The following KIF4A variants were observed in gnomAD, a reference collection of about 807,000 sequenced individuals.
KIF4A encodes chromosome-associated kinesin KIF4A.
A neutral mutation model predicts 105.9 loss-of-function variants in KIF4A; 7 were observed. That is an observed-to-expected ratio of 0.07 (90% confidence interval 0.04 to 0.12). KIF4A has a LOEUF of 0.12. Ranked by LOEUF, KIF4A falls within the 10% of genes least tolerant of loss-of-function variation. The probability of loss-of-function intolerance (pLI) is 1.00; values close to 1 mark genes in which losing one functional copy is unlikely to be tolerated. For synonymous variants in KIF4A, 281 were observed against 331.3 expected (o/e 0.85, Z 1.65); for missense variants, 558 against 929.2 (o/e 0.60, Z 5.19).
intron 18 of KIF4A, among the ~76,000 whole-genome samples, chrX:70,380,557 C>T (rs1157426424): frequency 5.4e-5 from 6 of 111,554 alleles, no homozygotes; most frequent in Non-Finnish European, 3.8e-5. Flanking sequence ...TATGAAAAAC[C>T]CACAGCTAAC....
chrX:70,360,465 A>G (rs2086070513), intron 15 of KIF4A, among the ~76,000 whole-genome samples: 1 of 112,527 alleles, frequency 8.9e-6, no homozygotes, highest in Non-Finnish European at 1.9e-5. Flanking sequence ...CTGACTACAC[A>G]TGGAGCGAGG....
chrX:70,411,304 T>TA (rs375572048), intron 28 of KIF4A, among the ~76,000 whole-genome samples: 1,683 of 99,202 alleles, frequency 0.017, 47 homozygotes, highest in African/African-American at 0.058. Flanking sequence ...ATTTAAAAAT[T>TA]AAAAAAAAAA....
intron 3 of KIF4A, among the ~76,000 whole-genome samples, chrX:70,292,051 A>G (rs887655862): frequency 8.9e-6 from 1 of 112,159 alleles, no homozygotes; most frequent in African/African-American, 3.2e-5. Context: ...TTTCAAACGT[A>G]TAGAATGTTG....
chrX:70,316,998 C>T (rs2085872128), intron 7 of KIF4A, among the ~76,000 whole-genome samples: 1 of 112,012 alleles, frequency 8.9e-6, no homozygotes, highest in African/African-American at 3.2e-5. Flanking sequence ...ATAACCCTAA[C>T]TCAACATTAT....
intron 15 of KIF4A, among the ~76,000 whole-genome samples, chrX:70,370,579 CAAAT>C (rs1422946873): frequency 9.3e-6 from 1 of 108,070 alleles, no homozygotes; most frequent in Non-Finnish European, 1.9e-5. Context: ...TAGAATATAT[CAAAT>C]AAAGAATATA....
intron 18 of KIF4A, among the ~76,000 whole-genome samples, chrX:70,385,376 A>T (rs1363472348): frequency 8.9e-6 from 1 of 112,292 alleles, no homozygotes; most frequent in African/African-American, 3.2e-5. Context: ...GTCTGGTACT[A>T]AGAAGACTGT....
intron 10 of KIF4A, among the ~76,000 whole-genome samples, chrX:70,336,843 C>T (rs2085952620): frequency 1.8e-5 from 2 of 111,292 alleles, no homozygotes; most frequent in Non-Finnish European, 3.8e-5. Context: ...CCACCATCCA[C>T]CTCCAAAATT....
At chrX:70,371,892 C>T (rs1181267498) in intron 15 of KIF4A, among the ~76,000 whole-genome samples, 1 of 101,294 alleles carries the variant, frequency 9.9e-6, no homozygotes, top group Non-Finnish European at 2.0e-5. Context: ...TCAGACGGGG[C>T]GGTTGCCAGG....
chrX:70,387,121 C>T, intron 19 of KIF4A, 63 bp from the exon 20 acceptor site: 1 of 788,421 alleles, frequency 1.3e-6, no homozygotes, highest in Non-Finnish European at 1.9e-6. Context: ...TACTAATGTG[C>T]TAGAAATTGG....
At chrX:70,334,107 C>G (rs2085941439) in intron 10 of KIF4A, among the ~76,000 whole-genome samples, 1 of 111,467 alleles carries the variant, frequency 9.0e-6, no homozygotes, top group African/African-American at 3.3e-5. Flanking sequence ...CAAGAGGTTC[C>G]AAACTCATCT....
chrX:70,300,536 G>C (rs1309631263), intron 5 of KIF4A, among the ~76,000 whole-genome samples: 1 of 111,633 alleles, frequency 9.0e-6, no homozygotes, highest in African/African-American at 3.3e-5. Context: ...TAGCAGGAAA[G>C]CAGAAAATAT....
At chrX:70,401,772 TA>T (rs1273010415) in intron 22 of KIF4A, among the ~76,000 whole-genome samples, 1 of 111,950 alleles carries the variant, frequency 8.9e-6, no homozygotes, top group Non-Finnish European at 1.9e-5. Context: ...CAGAATGTCC[TA>T]GATGTCTTCA....
In KIF4A at chrX:70,416,017, G is replaced by A. The variant is rs145077231; in HGVS notation, c.3256-1871G>A. Among the ~76,000 whole-genome samples the A allele has an allele frequency of 5.0e-3, 541 of 108,671 alleles. 5 individuals are homozygous for A. Among genetic ancestry groups the A allele is most frequent in the African/African-American group, 0.017 (518 of 29,790 alleles). The allele number at this position is 108,671 out of a possible 115,157, so 94.4% of individuals were successfully genotyped here. ...TGAGTAGCTGGGATTACAGGCATGC[G>A]CTATGATGCCTGGCTAATTTTGTAT... On this transcript the variant is annotated intron_variant, in intron 28 of 30. Transcript: ENST00000374403.
chrX:70,364,063 C>G (rs1484874396), intron 15 of KIF4A, among the ~76,000 whole-genome samples: 1 of 112,140 alleles, frequency 8.9e-6, no homozygotes, highest in Admixed American at 9.5e-5. Context: ...TGTTCATATC[C>G]TTTGACCACT....
At chrX:70,302,440 C>T in intron 7 of KIF4A, 42 bp downstream of exon 7, 1 of 1,136,114 alleles carries the variant, frequency 8.8e-7, no homozygotes, top group African/African-American at 1.8e-5. Flanking sequence ...TTAAAAACTT[C>T]TAGTACTCTT....
intron 28 of KIF4A, among the ~76,000 whole-genome samples, chrX:70,415,873 T>TC (rs1467886393): frequency 1.0e-5 from 1 of 96,670 alleles, no homozygotes; most frequent in African/African-American, 3.7e-5. Flanking sequence ...TTTTTTTTTT[T>TC]TTTTTTTTTT....
Position 70,372,608 on chromosome X carries a change from G to A in KIF4A, c.1675-1543G>A, listed in dbSNP as rs766273875. Among the ~76,000 whole-genome samples the A allele has an allele frequency of 7.9e-3, 895 of 113,741 alleles. 5 individuals carry two copies. The highest frequency in any genetic ancestry group is 0.027 in the African/African-American group (850 of 31,189). ...GATGGCAGCAGTACAGTCCAGCTTC[G>A]GCTCGGCATCAGAGGGAGACCGTGG... On this transcript the variant is annotated intron_variant, in intron 15 of 30. Transcript: ENST00000374403.
intron 8 of KIF4A, 57 bp downstream of exon 8, chrX:70,329,578 C>A: frequency 1.0e-6 from 1 of 964,764 alleles, no homozygotes; most frequent in Non-Finnish European, 1.5e-6. Context: ...AGTGCTGAGA[C>A]AGCAAAGATG....
intron 15 of KIF4A, among the ~76,000 whole-genome samples, chrX:70,361,331 A>G (rs753711401): frequency 1.1e-4 from 13 of 113,814 alleles, no homozygotes; most frequent in African/African-American, 3.8e-4. Flanking sequence ...CCCAAATGCC[A>G]TGGGCATCAC....
Sources: allele counts gnomAD v4.1 joint callset (sites outside exome capture counted in the v4.1 genomes callset), GRCh38; gene constraint gnomAD v4.1.1; transcripts MANE v1.5; gene names NCBI Gene and HGNC (gene_info 2026-07-23, HGNC 2026-07-21).